The following MIA3 variants were observed in gnomAD, a reference collection of about 807,000 sequenced individuals.
The protein encoded by MIA3 is MIA SH3 domain ER export factor 3.
A neutral mutation model predicts 192.4 loss-of-function variants in MIA3; 90 were observed. The ratio of observed to expected loss-of-function variants is 0.47; its 90% CI spans 0.39 to 0.56. The LOEUF is 0.56. MIA3 is among the 20% of genes least tolerant of loss of function. The pLI is 0.00. For missense variants in MIA3, 2,123 were observed against 2,269.4 expected, an observed-to-expected ratio of 0.94 and a Z score of 1.31; for synonymous variants, 740 against 792.8, an observed-to-expected ratio of 0.93 and a Z score of 1.12.
chr1:222,648,890 CTG>C, intron 8 of MIA3, 40 bp downstream of exon 8: 2 of 1,290,404 alleles, frequency 1.5e-6, no homozygotes, highest in Non-Finnish European at 2.2e-6. Flanking sequence ...ACTAGTCCCT[CTG>C]TATTGGTGTT....
chr1:222,659,687 T>C (rs777803866), intron 21 of MIA3, 30 bp downstream of exon 21: 4 of 1,613,912 alleles, frequency 2.5e-6, no homozygotes, highest in Non-Finnish European at 3.4e-6. Flanking sequence ...TTCCCTTATT[T>C]TGTGCATAGT....
Position 222,630,163 on chromosome 1 carries a change from TTC to T in MIA3, c.2945_2946del (p.Ser982Ter). On this transcript the variant is annotated frameshift_variant, in exon 4 of 28. Transcript: ENST00000344922. LOFTEE classifies it high-confidence loss of function. ...EKVLDKVFRA[S>X]ESQILSIAEK... is the part of the protein sequence containing the mutation. ...AAGTCCTAGATAAGGTCTTCCGTGC[TTC>T]TGAGTCACAAATTCTGAGCATAGCA... The T allele has an allele frequency of 6.2e-7, 1 of 1,614,238 alleles. No homozygotes were observed. Among genetic ancestry groups the T allele is most frequent in the Non-Finnish European group, 8.5e-7 (1 of 1,180,044 alleles).
Position 222,658,846 on chromosome 1 carries a change from G to GT in MIA3, c.4709+24dup, listed in dbSNP as rs200315303. ...CAAGTAAGTTCACCTCCTAAAGAGG[G>GT]TATCAGTGGCTAATGAAACTAGTGT... On this transcript the variant is annotated intron_variant, in intron 19 of 27. Transcript: ENST00000344922. The GT allele has an allele frequency of 2.7e-4, 406 of 1,522,796 alleles. 3 individuals are homozygous for GT. In the East Asian group the frequency reaches 8.8e-3, roughly 33 times the overall value. The allele number at this position is 1,522,796 out of a possible 1,614,324, so 94.3% of individuals were successfully genotyped here. A position where few individuals can be genotyped will look rare whatever the true frequency, so the allele number is the denominator to read the frequency against.
chr1:222,658,181 T>C (rs1484986461), intron 18 of MIA3, among the ~76,000 whole-genome samples: 5 of 152,238 alleles, frequency 3.3e-5, no homozygotes, highest in East Asian at 1.9e-4. Context: ...CATGATTCCA[T>C]TGAAATAGGT....
rs764324119 is a variant in MIA3, at chr1:222,665,371, C to T, written c.5476C>T (p.Arg1826Trp). ...EFAPGVPPGR[R>W]DLPLHPRGFL... ...TGCACCAGGCGTTCCACCAGGAAGA[C>T]GGGACCTGCCTCTCCACCCTCGGGG... The change falls in exon 28 of 28, where the codon CGG (arginine) becomes TGG (tryptophan). Residue 1826 changes from arginine to tryptophan, a missense_variant. Around this residue, in one of 3 missense-constraint regions of MIA3, gnomAD observed 762 missense variants for 856.4 expected, o/e 0.89. Transcript: ENST00000344922. The T allele has an allele frequency of 1.7e-5, 27 of 1,613,784 alleles. No homozygotes were observed. The highest frequency in any genetic ancestry group is 8.0e-5 in the African/African-American group (6 of 74,862).
chr1:222,631,050 CTTTCT>C (rs759726858), intron 4 of MIA3, among the ~76,000 whole-genome samples: 39 of 152,104 alleles, frequency 2.6e-4, no homozygotes, highest in East Asian at 1.2e-3. Flanking sequence ...AGGCTTTTCT[CTTTCT>C]TTTCTTTTCT....
At chr1:222,631,125 C>CT (rs200848579) in intron 4 of MIA3, among the ~76,000 whole-genome samples, 3,065 of 143,438 alleles carry the variant, frequency 0.021, 99 homozygotes, top group African/African-American at 0.074. Context: ...TTTTTCTTTT[C>CT]TTTTTTTTTT....
At chr1:222,643,887 A>G (rs998794882) in intron 6 of MIA3, among the ~76,000 whole-genome samples, 8 of 152,152 alleles carry the variant, frequency 5.3e-5, no homozygotes, top group African/African-American at 1.9e-4. Flanking sequence ...CAAGAATGTG[A>G]GACAGCGAGC....
In MIA3 at chr1:222,628,577, A is replaced by T. The variant is rs1662233468; in HGVS notation, c.1357A>T (p.Asn453Tyr). Residue 453 changes from asparagine to tyrosine, a missense_variant, in exon 4 of 28, where the codon AAT becomes TAT. By Grantham distance (143) the Asn-to-Tyr change is moderately radical (BLOSUM62 -2). Around this residue, in one of 3 missense-constraint regions of MIA3, gnomAD observed 1,357 missense variants for 1,396.1 expected, o/e 0.97. Coordinates refer to ENST00000344922, the MANE Select transcript of MIA3 (RefSeq NM_198551.4). ...TTTTATTGTAGACATTCCTAAAACAAATAATGACAAAGAAGTAAACGCAGA... is the reference window on the plus strand; with the variant it reads ...TTTTATTGTAGACATTCCTAAAACATATAATGACAAAGAAGTAAACGCAGA... ...GLFIVDIPKT[N>Y]NDKEVNAEHH... 6.2e-7 allele frequency: 1 copy of T among 1,614,234 alleles called. No individual in the cohort carries two copies. Among genetic ancestry groups the T allele is most frequent in the East Asian group, 2.2e-5 (1 of 44,886 alleles).
At chr1:222,636,506 CTTTTTTTTTTTTT>C (rs34208115) in intron 6 of MIA3, among the ~76,000 whole-genome samples, 118 of 74,036 alleles carry the variant, frequency 1.6e-3, no homozygotes, top group South Asian at 7.7e-3. Context: ...TAGTGTCCAT[CTTTTTTTTTTTTT>C]TTTTTTTTTT....
At position 222,650,868 on chromosome 1, in the gene MIA3, T is replaced by C. The variant is rs771104439; in HGVS notation, c.3874T>C (p.Ser1292Pro). 3.1e-6 allele frequency: 5 copies of C among 1,607,556 alleles called. No individual in the cohort carries two copies. In the Admixed American group the frequency reaches 8.5e-5, roughly 27 times the overall value. Reference sequence around the variant, plus strand: ...TAAAAATCTTCGTGTTATGCTAGAATCTGAGAGAGAACAGAATGTCAAGAA... The same window carrying C: ...TAAAAATCTTCGTGTTATGCTAGAACCTGAGAGAGAACAGAATGTCAAGAA... ...TAKNLRVMLE[S>P]EREQNVKNQD... The change falls in exon 11 of 28, where the codon TCT (serine) becomes CCT (proline). Residue 1292 changes from serine to proline, a missense_variant. Physicochemically the swap from Ser to Pro is moderately conservative, Grantham distance 74 (BLOSUM62 -1). Coordinates refer to ENST00000344922, the MANE Select transcript of MIA3 (RefSeq NM_198551.4).
At chr1:222,652,645 T>G (rs1663503571) in intron 13 of MIA3, among the ~76,000 whole-genome samples, 1 of 152,206 alleles carries the variant, frequency 6.6e-6, no homozygotes, top group Non-Finnish European at 1.5e-5. Context: ...AGTTAGATAT[T>G]TTATAACCCT....
intron 15 of MIA3, among the ~76,000 whole-genome samples, chr1:222,653,699 C>A (rs1663560083): frequency 6.6e-6 from 1 of 152,134 alleles, no homozygotes; most frequent in African/African-American, 2.4e-5. Context: ...TTTTAAGGCC[C>A]ACAACTGGTT....
At chr1:222,632,040 G>C (rs1662419011) in intron 4 of MIA3, 125 bp from the exon 5 acceptor site, 1 of 708,604 alleles carries the variant, frequency 1.4e-6, no homozygotes, top group Non-Finnish European at 2.4e-6. Context: ...TCCCTGCCCA[G>C]TTGTGCTCCA....
chr1:222,659,665 T>A lies in MIA3; in HGVS notation c.4806+8T>A. 6.2e-7 allele frequency: 1 copy of A among 1,613,952 alleles called. No homozygotes were observed. The highest frequency in any genetic ancestry group is 8.5e-7 in the Non-Finnish European group (1 of 1,179,926). Reference sequence around the variant, plus strand: ...AAAGCTCATGAAAACTGGGTAAGATTTCTTTTTTTCTTTCCCTTATTTTGT... The same window carrying A: ...AAAGCTCATGAAAACTGGGTAAGATATCTTTTTTTCTTTCCCTTATTTTGT... On this transcript the variant is annotated splice_region_variant and intron_variant, in intron 21 of 27. Transcript: ENST00000344922.
intron 7 of MIA3, 159 bp downstream of exon 7, chr1:222,645,844 A>ATTATTTTTTTTTTTTTTTTTT: frequency 3.2e-6 from 2 of 630,282 alleles, no homozygotes; most frequent in East Asian, 7.9e-5. Context: ...GTGTTGGTAA[A>ATTATTTTTTTTTTTTTTTTTT]TTCTTAAGTG....
At position 222,628,149 on chromosome 1, in the gene MIA3, A is replaced by G; in HGVS notation, c.929A>G (p.Glu310Gly). ...GATTTTGATGAGGAATTGGATACTG[A>G]GTATTATGCAGTTGGAAAGGAAGAT... ...EDDFDEELDTEYYAVGKEDEE... is the reference protein window; with the variant it reads ...EDDFDEELDTGYYAVGKEDEE... Residue 310 changes from glutamate (E) to glycine (G), a missense_variant, in exon 4 of 28, where the codon GAG becomes GGG. This residue lies in a region of MIA3 where 1,357 missense variants were observed against 1,396.1 expected (regional missense o/e 0.97). Transcript: ENST00000344922. The G allele has an allele frequency of 1.9e-6, 3 of 1,613,952 alleles. No individual in the cohort carries two copies. The highest frequency in any genetic ancestry group is 2.5e-6 in the Non-Finnish European group (3 of 1,180,008).
chr1:222,620,897 G>A (rs1171532787), intron 1 of MIA3, among the ~76,000 whole-genome samples: 1 of 152,208 alleles, frequency 6.6e-6, no homozygotes, highest in Non-Finnish European at 1.5e-5. Context: ...TTGGCACATT[G>A]CTTTTTGTTT....
intron 26 of MIA3, 63 bp downstream of exon 26, chr1:222,662,395 C>G: frequency 1.3e-6 from 2 of 1,585,320 alleles, no homozygotes; most frequent in Non-Finnish European, 1.7e-6. Flanking sequence ...CTACAACTCT[C>G]TCTTTGCCTC....
Sources: gnomAD v4.1 joint callset for allele counts (sites outside exome capture counted in the v4.1 genomes callset) on GRCh38, gnomAD v4.1.1 for gene constraint, gnomAD v4.1.1 regional missense constraint, MANE v1.5 for transcripts, NCBI Gene and HGNC (gene_info 2026-07-23, HGNC 2026-07-21) for gene names.